The following LRRC4C variants were observed in gnomAD, a reference collection of about 807,000 sequenced individuals.
The protein encoded by LRRC4C is leucine rich repeat containing 4C, also known as leucine-rich repeat-containing protein 4C.
Under a neutral mutation model 33.6 loss-of-function variants are expected in LRRC4C, and 5 were observed. The ratio of observed to expected loss-of-function variants is 0.15; its 90% CI spans 0.08 to 0.31. The LOEUF (loss-of-function observed/expected upper bound fraction) is 0.31, where lower values mean the gene tolerates loss of function less well. Among genes scored for constraint, LRRC4C ranks in the 10% least tolerant of loss-of-function variants. The probability of loss-of-function intolerance (pLI) is 1.00; values close to 1 mark genes in which losing one functional copy is unlikely to be tolerated. For missense variants in LRRC4C, 560 were observed against 796.7 expected, an observed-to-expected ratio of 0.70 and a Z score of 3.58; for synonymous variants, 329 against 302.0, an observed-to-expected ratio of 1.09 and a Z score of -0.93.
chr11:40,856,311 A>G (rs143497410), intron 2 of LRRC4C, among the ~76,000 whole-genome samples: 1 of 152,328 alleles, frequency 6.6e-6, no homozygotes, highest in Non-Finnish European at 1.5e-5. Flanking sequence ...TGTTCTGTTA[A>G]CTAGATACAG....
At chr11:40,777,790 C>G (rs1425041763) in intron 2 of LRRC4C, among the ~76,000 whole-genome samples, 2 of 151,884 alleles carry the variant, frequency 1.3e-5, no homozygotes, top group Non-Finnish European at 2.9e-5. Flanking sequence ...CGAGTTCACG[C>G]CATTCTCCTG....
At chr11:40,737,112 A>G (rs1362216645) in intron 2 of LRRC4C, among the ~76,000 whole-genome samples, 1 of 151,928 alleles carries the variant, frequency 6.6e-6, no homozygotes, top group Non-Finnish European at 1.5e-5. Context: ...GTTTTCTTCT[A>G]TGGTTTTTAT....
intron 1 of LRRC4C, among the ~76,000 whole-genome samples, chr11:41,298,581 C>T (rs930091442): frequency 6.6e-6 from 1 of 151,954 alleles, no homozygotes; most frequent in Non-Finnish European, 1.5e-5. Flanking sequence ...AGTAATAAGG[C>T]CAAAATAAAA....
chr11:40,933,563 G>C (rs1460894950), intron 2 of LRRC4C, 72 bp downstream of exon 2: 1 of 151,924 alleles, frequency 6.6e-6, no homozygotes, highest in Non-Finnish European at 1.5e-5. Context: ...GCAGTAAAGA[G>C]AACCATTTCT....
At chr11:40,589,864 C>T (rs1173200516) in intron 3 of LRRC4C, among the ~76,000 whole-genome samples, 3 of 149,738 alleles carry the variant, frequency 2.0e-5, no homozygotes, top group African/African-American at 7.4e-5. Context: ...GTCTGATGGG[C>T]TTCCCTTTGA....
chr11:40,814,164 G>T lies in LRRC4C; in HGVS notation c.-407+119471C>A, dbSNP rs113239412. Among the ~76,000 whole-genome samples, 1,409 of 152,282 alleles carry T rather than the reference G, an allele frequency of 9.3e-3. 12 individuals are homozygous for T. The highest frequency in any genetic ancestry group is 0.018 in the South Asian group (85 of 4,832). ...GACCTATCAGAGGTTCTCTATGAGGGCTCCACTCCTGCAGCAAGTTGCTGC... is the reference window on the plus strand; with the variant it reads ...GACCTATCAGAGGTTCTCTATGAGGTCTCCACTCCTGCAGCAAGTTGCTGC... On this transcript the variant is annotated intron_variant, in intron 2 of 6. Transcript: ENST00000528697.
At chr11:41,306,563 T>A (rs1328582109) in intron 1 of LRRC4C, among the ~76,000 whole-genome samples, 1 of 152,228 alleles carries the variant, frequency 6.6e-6, no homozygotes, top group Non-Finnish European at 1.5e-5. Context: ...GAGAGTATCC[T>A]GCAGTGAATG....
intron 2 of LRRC4C, among the ~76,000 whole-genome samples, chr11:40,726,309 A>T (rs1372999757): frequency 6.6e-6 from 1 of 152,194 alleles, no homozygotes; most frequent in Non-Finnish European, 1.5e-5. Flanking sequence ...CTATGAAAAC[A>T]GTATCATGCT....
intron 2 of LRRC4C, among the ~76,000 whole-genome samples, chr11:40,813,107 G>A (rs1275154177): frequency 6.6e-6 from 1 of 152,130 alleles, no homozygotes; most frequent in African/African-American, 2.4e-5. Flanking sequence ...GTTACAAAAT[G>A]ATGCCAGAAT....
chr11:40,274,931 G>A (rs1364523536), intron 4 of LRRC4C, among the ~76,000 whole-genome samples: 2 of 152,098 alleles, frequency 1.3e-5, no homozygotes, highest in African/African-American at 4.8e-5. Flanking sequence ...GCAACCACCT[G>A]CTCAGGGGCT....
intron 2 of LRRC4C, among the ~76,000 whole-genome samples, chr11:40,892,236 A>G (rs1955749818): frequency 6.6e-6 from 1 of 152,144 alleles, no homozygotes; most frequent in Admixed American, 6.5e-5. Context: ...ACAGACCCAA[A>G]AGAAAGGAAA....
intron 5 of LRRC4C, among the ~76,000 whole-genome samples, chr11:40,147,789 G>T (rs1213141202): frequency 1.2e-4 from 18 of 151,992 alleles, no homozygotes; most frequent in Admixed American, 1.2e-3. Flanking sequence ...GTGCAAGTTT[G>T]TAATATAGGT....
intron 1 of LRRC4C, among the ~76,000 whole-genome samples, chr11:40,955,719 A>G (rs569225394): frequency 1.3e-5 from 2 of 151,926 alleles, no homozygotes; most frequent in South Asian, 4.1e-4. Context: ...GAAACTGACA[A>G]CTGTAAGTCA....
chr11:40,180,761 G>T (rs1860923400), intron 5 of LRRC4C, among the ~76,000 whole-genome samples: 1 of 152,190 alleles, frequency 6.6e-6, no homozygotes, highest in Admixed American at 6.5e-5. Context: ...GCATGCATGT[G>T]TGTGTGCATG....
At chr11:40,313,391 A>G (rs976896317) in intron 4 of LRRC4C, among the ~76,000 whole-genome samples, 12 of 151,986 alleles carry the variant, frequency 7.9e-5, no homozygotes, top group Non-Finnish European at 1.3e-4. Context: ...TCTATAGCCA[A>G]CTGACTCTTG....
intron 2 of LRRC4C, among the ~76,000 whole-genome samples, chr11:40,804,024 C>T (rs548604126): frequency 6.6e-6 from 1 of 152,272 alleles, no homozygotes; most frequent in East Asian, 1.9e-4. Flanking sequence ...ATTCTTACTG[C>T]TGCCTAAAAA....
chr11:40,340,616 T>C (rs1293883478), intron 3 of LRRC4C, among the ~76,000 whole-genome samples: 2 of 152,218 alleles, frequency 1.3e-5, no homozygotes, highest in Non-Finnish European at 2.9e-5. Context: ...AGTGCAACAT[T>C]CTTTCATTTA....
At chr11:40,168,906 T>C (rs1044492902) in intron 5 of LRRC4C, among the ~76,000 whole-genome samples, 1 of 152,182 alleles carries the variant, frequency 6.6e-6, no homozygotes, top group Non-Finnish European at 1.5e-5. Flanking sequence ...TCCATTTTAA[T>C]GAAAAGCCAT....
intron 3 of LRRC4C, among the ~76,000 whole-genome samples, chr11:40,404,927 C>T (rs182389092): frequency 1.4e-4 from 21 of 151,862 alleles, no homozygotes; most frequent in African/African-American, 4.3e-4. Flanking sequence ...AAATAGTTTC[C>T]TATTTCCCCA....
Sources: allele counts gnomAD v4.1 joint callset (sites outside exome capture counted in the v4.1 genomes callset), GRCh38; gene constraint gnomAD v4.1.1; transcripts MANE v1.5; gene names NCBI Gene and HGNC (gene_info 2026-07-23, HGNC 2026-07-21).